The following TTLL12 variants were observed in gnomAD, a reference collection of about 807,000 sequenced individuals.
TTLL12 encodes tubulin tyrosine ligase like 12.
In TTLL12, 77 loss-of-function variants were observed where a neutral mutation model predicts 79.6. The ratio of observed to expected loss-of-function variants is 0.97; its 90% CI spans 0.81 to 1.17. TTLL12 has a LOEUF of 1.17. Among genes scored for constraint, TTLL12 ranks in the 50% most tolerant of loss-of-function variants. The pLI, the probability that TTLL12 is intolerant of heterozygous loss-of-function variation, is 0.00. For missense variants in TTLL12, 969 were observed against 895.9 expected, an observed-to-expected ratio of 1.08 and a Z score of -1.04; for synonymous variants, 437 against 376.1, an observed-to-expected ratio of 1.16 and a Z score of -1.87.
intron 11 of TTLL12, among the ~76,000 whole-genome samples, chr22:43,171,418 G>A (rs968000119): frequency 6.6e-6 from 1 of 152,202 alleles, no homozygotes; most frequent in Non-Finnish European, 1.5e-5. Flanking sequence ...GCAGGGTCAC[G>A]GGCCAGCAGC....
At chr22:43,182,046 G>GAAAGGCCCGGAAGCAGAAAGGCCCGGAA (rs1205893732) in intron 2 of TTLL12, among the ~76,000 whole-genome samples, 7 of 150,790 alleles carry the variant, frequency 4.6e-5, no homozygotes, top group Non-Finnish European at 8.8e-5. Flanking sequence ...CCCGGAAGCA[G>GAAAGGCCCGGAAGCAGAAAGGCCCGGAA]GTGGGGCTGA....
In TTLL12 at chr22:43,173,798, G is replaced by C. The variant is rs758050484; in HGVS notation, c.1258C>G (p.Pro420Ala). 10 of 1,604,518 alleles carry C rather than the reference G, an allele frequency of 6.2e-6. No homozygotes were observed. ...WGEDNHWICK[P>A]WNLARSLDTH... is the part of the protein sequence containing the mutation. ...TCCAGGCTGCGCGCCAGGTTCCAGG[G>C]CTTGCAGATCCAGTGGTTGTCCTCG... is the stretch of plus-strand genomic sequence containing the variant. Residue 420 changes from proline to alanine, a missense_variant, in exon 9 of 14, where the codon CCC (proline) becomes GCC (alanine). Coordinates refer to ENST00000216129, the MANE Select transcript of TTLL12 (RefSeq NM_015140.4).
At chr22:43,172,637 A>G (rs1931797180) in intron 9 of TTLL12, 83 bp from the exon 10 acceptor site, 1 of 1,508,446 alleles carries the variant, frequency 6.6e-7, no homozygotes, top group Non-Finnish European at 9.2e-7. Flanking sequence ...CGCAGGGGGC[A>G]CAGACATGGC....
At position 43,183,134 on chromosome 22, in the gene TTLL12, C is replaced by G; in HGVS notation, c.193G>C (p.Glu65Gln). The G allele has an allele frequency of 1.2e-6, 2 of 1,613,890 alleles. No individual in the cohort carries two copies. Among genetic ancestry groups the G allele is most frequent in the Admixed American group, 1.7e-5 (1 of 60,024 alleles). The stretch of plus-strand genomic sequence containing the variant: ...TCCACTTGCATGATCCCAAACACTT[C>G]CCCAGCGTCGAAAACCTGGGGGCCA... ...KLEHEVFDAG[E>Q]VFGIMQVEEV... Residue 65 changes from glutamate to glutamine, a missense_variant, in exon 2 of 14, where the codon GAA becomes CAA. Transcript: ENST00000216129.
chr22:43,183,036 C>T lies in TTLL12; in HGVS notation c.291G>A (p.Leu97=), dbSNP rs1446194227. Residue 97 remains leucine (L), a synonymous_variant, in exon 2 of 14, where the codon CTG becomes CTA. Coordinates refer to ENST00000216129, the MANE Select transcript of TTLL12 (RefSeq NM_015140.4). ...CCCTGGTCACGATGACCTTGTAGCA[C>T]AGCTCGTTCCCCGGGTTGGGCTGCT... is the stretch of plus-strand genomic sequence containing the variant. The part of the protein sequence containing the change: ...RKQQPNPGNE[L]CYKVIVTRES... 5.0e-6 allele frequency: 8 copies of T among 1,614,036 alleles called. No individual in the cohort carries two copies. The highest frequency in any genetic ancestry group is 3.3e-5 in the South Asian group (3 of 91,092).
intron 2 of TTLL12, among the ~76,000 whole-genome samples, chr22:43,182,567 G>T (rs919263652): frequency 6.6e-6 from 1 of 152,198 alleles, no homozygotes; most frequent in African/African-American, 2.4e-5. Context: ...GGCCAGGCCT[G>T]CTCTGGGTCT....
In TTLL12 at chr22:43,174,565, A is replaced by T; in HGVS notation, c.968T>A (p.Phe323Tyr). The change falls in exon 7 of 14, where the codon TTC (phenylalanine) becomes TAC (tyrosine). Residue 323 changes from phenylalanine (F) to tyrosine (Y), a missense_variant. Transcript: ENST00000216129. Reference protein sequence around the residue: ...QVASSLTHPRFTLTQSEADAD... With the variant: ...QVASSLTHPRYTLTQSEADAD... ...GTCCGCCTCACTCTGGGTGAGGGTG[A>T]AGCGCGGGTGGGTGAGGCTGCTGGC... is the stretch of plus-strand genomic sequence containing the variant. 6.2e-7 allele frequency: 1 copy of T among 1,613,404 alleles called. No homozygotes were observed. The highest frequency in any genetic ancestry group is 8.5e-7 in the Non-Finnish European group (1 of 1,179,806).
chr22:43,174,448 G>A lies in TTLL12; in HGVS notation c.1035-45C>T, dbSNP rs114411994. Reference sequence around the variant, plus strand: ...GCGCCAGCTCAAGGGGAGGCCGGCAGTGCCTAGAAGCCCTGACTGGGAGGG... The same window carrying A: ...GCGCCAGCTCAAGGGGAGGCCGGCAATGCCTAGAAGCCCTGACTGGGAGGG... On this transcript the variant is annotated intron_variant, in intron 7 of 13. Coordinates refer to ENST00000216129, the MANE Select transcript of TTLL12 (RefSeq NM_015140.4). 1,981 of 1,568,594 alleles carry A rather than the reference G, an allele frequency of 1.3e-3. 22 individuals carry two copies. The African/African-American group carries it at 0.024, about 19-fold the overall frequency.
Position 43,186,197 on chromosome 22 carries a change from C to CCA in TTLL12, c.177+695_177+696insTG, listed in dbSNP as rs1555982132. Among the ~76,000 whole-genome samples the CCA allele has an allele frequency of 9.4e-5, 14 of 148,452 alleles. No homozygotes were observed. In the East Asian group the frequency reaches 1.8e-3, roughly 19 times the overall value. ...TCCCAGCTAAAGAAAACACCCCCCC[C>CCA]CCCGCCAGCCCGGGAAGGTGCTGTG... On this transcript the variant is annotated intron_variant, in intron 1 of 13. Transcript: ENST00000216129.
At chr22:43,176,478 C>T (rs983443036) in intron 5 of TTLL12, 82 bp from the exon 6 acceptor site, 50 of 1,183,472 alleles carry the variant, frequency 4.2e-5, no homozygotes, top group Admixed American at 7.9e-5. Context: ...GTCCATAATC[C>T]CAGCACTTTG....
At chr22:43,180,523 T>C (rs894267797) in intron 3 of TTLL12, among the ~76,000 whole-genome samples, 2 of 152,126 alleles carry the variant, frequency 1.3e-5, no homozygotes, top group East Asian at 3.8e-4. Context: ...GGCTGAGTCA[T>C]CTGGGCCCCT....
chr22:43,166,972 C>T lies in TTLL12; in HGVS notation c.*1036G>A. ...TCCACCCACTGCCCGTGAGCTGGGC[C>T]CAGGCACACTGCAGCCACACAAAAA... On this transcript the variant is annotated 3_prime_UTR_variant, in exon 14 of 14. Transcript: ENST00000216129. 3.1e-6 allele frequency: 1 copy of T among 324,104 alleles called. No individual in the cohort carries two copies. The highest frequency in any genetic ancestry group is 6.1e-6 in the Non-Finnish European group (1 of 165,210). The allele number at this position is 324,104 out of a possible 1,614,324, so 20.1% of individuals were successfully genotyped here.
chr22:43,168,112 C>G lies in TTLL12; in HGVS notation c.1831G>C (p.Asp611His), dbSNP rs1024846750. The change falls in exon 14 of 14, where the codon GAC becomes CAC. Residue 611 changes from aspartate (D) to histidine (H), a missense_variant. Transcript: ENST00000216129. ...TGGTACCTGCAGGCTCGCTCACAGT[C>G]GGGGTTGAAGTTCACCTCCAGGATC... is the stretch of plus-strand genomic sequence containing the variant. ...PQILEVNFNP[D>H]CERACRYHPT... is the part of the protein sequence containing the mutation. The G allele has an allele frequency of 6.2e-7, 1 of 1,614,008 alleles. No homozygotes were observed. The highest frequency in any genetic ancestry group is 1.3e-5 in the African/African-American group (1 of 74,922).
chr22:43,173,006 TTTA>T (rs1414423841), intron 9 of TTLL12, among the ~76,000 whole-genome samples: 2 of 152,208 alleles, frequency 1.3e-5, no homozygotes, highest in Admixed American at 6.5e-5. Context: ...AAGCAAAGTC[TTTA>T]TATCCATTTT....
chr22:43,177,384 A>ATT (rs1931943448), intron 5 of TTLL12, among the ~76,000 whole-genome samples: 1 of 152,164 alleles, frequency 6.6e-6, no homozygotes, highest in Non-Finnish European at 1.5e-5. Flanking sequence ...AAATTAAAAA[A>ATT]AAAAAAAGAT....
rs771409972 is a variant in TTLL12, at chr22:43,186,965, G to C, written c.105C>G (p.His35Gln). The change falls in exon 1 of 14, where the codon CAC (histidine) becomes CAG (glutamine). Residue 35 changes from histidine to glutamine, a missense_variant. By Grantham distance (24) the His-to-Gln change is conservative. Transcript: ENST00000216129. The part of the protein sequence containing the change: ...AQALAEFAAL[H>Q]GPALRASGVP... ...CCCCCGAAGCGCGCAGCGCCGGGCC[G>C]TGCAGCGCCGCGAACTCGGCCAAGG... 4.5e-6 allele frequency: 6 copies of C among 1,324,944 alleles called. No individual in the cohort carries two copies. The African/African-American group carries it at 7.7e-5, about 17-fold the overall frequency. 82.1% of individuals were successfully genotyped at this position (1,324,944 alleles called of 1,614,324 possible).
chr22:43,169,633 T>A, intron 11 of TTLL12, 65 bp from the exon 12 acceptor site: 5 of 1,540,484 alleles, frequency 3.2e-6, no homozygotes, highest in Non-Finnish European at 4.4e-6. Flanking sequence ...GCAGGCAGCC[T>A]GCTACTGCCT....
chr22:43,176,306 G>GT lies in TTLL12; in HGVS notation c.917+13_917+14insA. ...GACAAGTCCCAGCCCAAGCAGTGGGGGGGGGCTACGCACTTGAAGATGTGG... is the reference window on the plus strand; with the variant it reads ...GACAAGTCCCAGCCCAAGCAGTGGGGTGGGGGCTACGCACTTGAAGATGTGG... On this transcript the variant is annotated intron_variant, in intron 6 of 13. Coordinates refer to ENST00000216129, the MANE Select transcript of TTLL12 (RefSeq NM_015140.4). 1 of 1,573,576 alleles carries GT rather than the reference G, an allele frequency of 6.4e-7. No homozygotes were observed. The highest frequency in any genetic ancestry group is 8.7e-7 in the Non-Finnish European group (1 of 1,155,844).
At chr22:43,169,998 C>T (rs1364985751) in intron 11 of TTLL12, 8 of 409,040 alleles carry the variant, frequency 2.0e-5, no homozygotes, top group African/African-American at 1.6e-4. Flanking sequence ...TGCCCTGGTT[C>T]AGCACCAGCT....
Sources: gnomAD v4.1 joint callset for allele counts (sites outside exome capture counted in the v4.1 genomes callset) on GRCh38, gnomAD v4.1.1 for gene constraint, MANE v1.5 for transcripts, NCBI Gene and HGNC (gene_info 2026-07-23, HGNC 2026-07-21) for gene names.